CDK5RAP1: variants seen among roughly 807,000 people sequenced by gnomAD.
CDK5RAP1 encodes CDK5RAP1 mitochondrial tRNA methylthiotransferase.
A neutral mutation model predicts 64.5 loss-of-function variants in CDK5RAP1; 62 were observed. The ratio of observed to expected loss-of-function variants is 0.96; its 90% CI spans 0.78 to 1.19. The LOEUF (loss-of-function observed/expected upper bound fraction) is 1.19, where lower values mean the gene tolerates loss of function less well. Ranked by LOEUF, CDK5RAP1 falls within the 50% of genes most tolerant of loss-of-function variation. CDK5RAP1 has a pLI of 0.00. For synonymous variants in CDK5RAP1, 250 were observed against 261.9 expected (o/e 0.95, Z 0.44); for missense variants, 657 against 735.0 (o/e 0.89, Z 1.23).
At chr20:33,393,945 T>C (rs1050476229) in intron 4 of CDK5RAP1, 87 bp downstream of exon 4, 1 of 943,824 alleles carries the variant, frequency 1.1e-6, no homozygotes, top group South Asian at 1.3e-5. Context: ...CACTGGCTCA[T>C]CTCCATAGAC....
intron 5 of CDK5RAP1, among the ~76,000 whole-genome samples, chr20:33,387,987 G>A (rs1987670119): frequency 6.6e-6 from 1 of 151,504 alleles, no homozygotes; most frequent in Admixed American, 6.6e-5. Context: ...AGAATCGCTT[G>A]AACCCAGGAG....
chr20:33,393,976 G>T, intron 4 of CDK5RAP1, 56 bp downstream of exon 4: 1 of 1,250,316 alleles, frequency 8.0e-7, no homozygotes, highest in Non-Finnish European at 1.2e-6. Context: ...GGCACTGTTA[G>T]CTCTGGCATT....
intron 8 of CDK5RAP1, among the ~76,000 whole-genome samples, chr20:33,375,719 C>T (rs1404037223): frequency 6.6e-6 from 1 of 152,102 alleles, no homozygotes; most frequent in Non-Finnish European, 1.5e-5. Context: ...GGTTTGGTTC[C>T]AGATCACCAC....
chr20:33,401,464 G>GT lies in CDK5RAP1; in HGVS notation c.-58dup, dbSNP rs1989412664. On this transcript the variant is annotated 5_prime_UTR_variant, in exon 1 of 14. Transcript: ENST00000346416. ...GCAACAGTGCCCGGGGTCCCGCAGC[G>GT]TAAGTTCTGCCGGCAAGTCGGATCC... The GT allele has an allele frequency of 5.1e-6, 5 of 985,366 alleles. No homozygotes were observed. The highest frequency in any genetic ancestry group is 4.7e-5 in the South Asian group (1 of 21,298). 61.0% of individuals were successfully genotyped at this position (985,366 alleles called of 1,614,324 possible).
rs35954744 is a variant in CDK5RAP1, at chr20:33,368,459, ATT to A, written c.1393-1453_1393-1452del. 4.6e-4 allele frequency among the ~76,000 whole-genome samples: 31 copies of A among 67,608 alleles called. 1 individual carries two copies. The highest frequency in any genetic ancestry group is 1.4e-3 in the African/African-American group (24 of 16,754). 44.4% of individuals were successfully genotyped at this position (67,608 alleles called of 152,430 possible). A position where few individuals can be genotyped will look rare whatever the true frequency, so the allele number is the denominator to read the frequency against. ...AGGCATGTGCCACCACTCTCGGCTA[ATT>A]TTTTTTTTTTTTTTTTTTTTTTTTT... On this transcript the variant is annotated intron_variant, in intron 11 of 13. Coordinates refer to ENST00000346416, the MANE Select transcript of CDK5RAP1 (RefSeq NM_016408.4).
intron 10 of CDK5RAP1, 89 bp from the exon 11 acceptor site, chr20:33,370,718 T>G (rs1037309139): frequency 2.9e-6 from 4 of 1,394,704 alleles, no homozygotes; most frequent in Admixed American, 1.7e-5. Flanking sequence ...AAGGGAGGGA[T>G]AGCAACTGTA....
At chr20:33,366,835 T>C (rs760210344) in intron 12 of CDK5RAP1, 24 bp downstream of exon 12, 8 of 1,585,700 alleles carry the variant, frequency 5.0e-6, no homozygotes, top group South Asian at 4.6e-5. Context: ...AAAAACAACA[T>C]AACACACACA....
intron 10 of CDK5RAP1, among the ~76,000 whole-genome samples, chr20:33,370,907 C>T (rs1031973148): frequency 2.0e-5 from 3 of 152,200 alleles, no homozygotes; most frequent in Non-Finnish European, 4.4e-5. Flanking sequence ...AGGGAGTCCA[C>T]ATTTTCATAT....
At position 33,401,502 on chromosome 20, in the gene CDK5RAP1, G is replaced by T; in HGVS notation, c.-95C>A. 3.0e-6 allele frequency: 3 copies of T among 985,302 alleles called. No homozygotes were observed. The highest frequency in any genetic ancestry group is 3.6e-6 in the Non-Finnish European group (3 of 829,930). The allele number at this position is 985,302 out of a possible 1,614,324, so 61.0% of individuals were successfully genotyped here. A position where few individuals can be genotyped will look rare whatever the true frequency, so the allele number is the denominator to read the frequency against. On this transcript the variant is annotated 5_prime_UTR_variant, in exon 1 of 14. Coordinates refer to ENST00000346416, the MANE Select transcript of CDK5RAP1 (RefSeq NM_016408.4). ...GCAAGTCGGATCCCCTCACAGGTCCGCCGCTGCGTTCATACACAAGCGACT... is the reference window on the plus strand; with the variant it reads ...GCAAGTCGGATCCCCTCACAGGTCCTCCGCTGCGTTCATACACAAGCGACT...
chr20:33,366,282 G>A (rs1983928729), intron 12 of CDK5RAP1, among the ~76,000 whole-genome samples: 1 of 138,930 alleles, frequency 7.2e-6, no homozygotes, highest in Admixed American at 7.9e-5. Context: ...TCATGCCACT[G>A]CACTCCAGCC....
chr20:33,393,154 AG>A (rs1988514469), intron 4 of CDK5RAP1, among the ~76,000 whole-genome samples: 1 of 152,142 alleles, frequency 6.6e-6, no homozygotes, highest in African/African-American at 2.4e-5. Flanking sequence ...CTGGGATTAC[AG>A]GTGTGAGCAA....
intron 8 of CDK5RAP1, among the ~76,000 whole-genome samples, chr20:33,379,095 G>A (rs1422322841): frequency 2.0e-5 from 3 of 151,918 alleles, no homozygotes; most frequent in South Asian, 2.1e-4. Flanking sequence ...AACTACAGTC[G>A]TATGCCACCT....
At chr20:33,364,801 C>T (rs1167298496) in intron 12 of CDK5RAP1, among the ~76,000 whole-genome samples, 3 of 151,770 alleles carry the variant, frequency 2.0e-5, no homozygotes, top group African/African-American at 7.3e-5. Flanking sequence ...CTCCAACTCC[C>T]GACCTCAGGT....
rs563748360 is a variant in CDK5RAP1, at chr20:33,367,002, G to C, written c.1399C>G (p.Arg467Gly). 2.5e-6 allele frequency: 4 copies of C among 1,595,574 alleles called. No homozygotes were observed. In the South Asian group the frequency reaches 3.4e-5, roughly 14 times the overall value. Reference sequence around the variant, plus strand: ...TCATCCTTCAGCCTATGATATGCCCGTGTCTTCTATTAAAAAAAAAAAAAA... The same window carrying C: ...TCATCCTTCAGCCTATGATATGCCCCTGTCTTCTATTAAAAAAAAAAAAAA... Reference protein sequence around the residue: ...LFAYSMRQKTRAYHRLKDDVP... With the variant: ...LFAYSMRQKTGAYHRLKDDVP... The change falls in exon 12 of 14, where the codon CGG (arginine) becomes GGG (glycine). Residue 467 changes from arginine to glycine, a missense_variant. Transcript: ENST00000346416.
chr20:33,371,448 CTG>C (rs1349527740), intron 10 of CDK5RAP1, among the ~76,000 whole-genome samples: 3 of 152,190 alleles, frequency 2.0e-5, no homozygotes, highest in African/African-American at 7.2e-5. Flanking sequence ...TACCTAGCCT[CTG>C]CATTACCCTG....
chr20:33,370,894 A>G (rs998785058), intron 10 of CDK5RAP1, among the ~76,000 whole-genome samples: 3 of 152,194 alleles, frequency 2.0e-5, no homozygotes, highest in Admixed American at 1.3e-4. Flanking sequence ...TTAGGGACAC[A>G]GTAGGGAGTC....
intron 9 of CDK5RAP1, chr20:33,372,915 T>A (rs1477408695): frequency 6.3e-5 from 3 of 47,442 alleles, no homozygotes; most frequent in East Asian, 2.6e-4. Context: ...GACATAAACT[T>A]TTTTTTTTTT....
chr20:33,394,972 G>T, intron 3 of CDK5RAP1, 41 bp downstream of exon 3: 1 of 1,230,264 alleles, frequency 8.1e-7, no homozygotes, highest in Admixed American at 1.7e-5. Flanking sequence ...GCAGAATCTT[G>T]CCCAGGTCCA....
intron 1 of CDK5RAP1, among the ~76,000 whole-genome samples, 158 bp downstream of exon 1, chr20:33,401,270 G>A (rs1989385473): frequency 6.6e-6 from 1 of 152,212 alleles, no homozygotes; most frequent in Non-Finnish European, 1.5e-5. Flanking sequence ...CGGGGTTAGG[G>A]TACGAACCCC....
Sources: allele counts gnomAD v4.1 joint callset (sites outside exome capture counted in the v4.1 genomes callset), GRCh38; gene constraint gnomAD v4.1.1; transcripts MANE v1.5; gene names NCBI Gene and HGNC (gene_info 2026-07-23, HGNC 2026-07-21).